The following RPH3A variants were observed in gnomAD, a reference collection of about 807,000 sequenced individuals.
RPH3A encodes the protein rabphilin 3A, also known as rabphilin-3A.
RPH3A carries 48 observed loss-of-function variants against 102.2 expected under a neutral mutation model. The ratio of observed to expected loss-of-function variants is 0.47; its 90% CI spans 0.37 to 0.60. The LOEUF is 0.60. Among genes scored for constraint, RPH3A ranks in the 20% least tolerant of loss-of-function variants. The pLI is 0.00. For synonymous variants in RPH3A, 310 were observed against 324.3 expected (o/e 0.96, Z 0.47); for missense variants, 781 against 910.1 (o/e 0.86, Z 1.83).
intron 1 of RPH3A, among the ~76,000 whole-genome samples, chr12:112,694,338 G>A (rs1357106540): frequency 6.6e-6 from 1 of 152,132 alleles, no homozygotes; most frequent in South Asian, 2.1e-4. Context: ...CACACGAGGG[G>A]CAGTGACAAA....
rs1427873629 is a variant in RPH3A at position 112,865,410 on chromosome 12, C to T, written c.231-4C>T. 3 of 1,613,650 alleles carry T rather than the reference C, an allele frequency of 1.9e-6. No individual in the cohort carries two copies. In the South Asian group the frequency reaches 3.3e-5, roughly 18 times the overall value. On this transcript the variant is annotated splice_polypyrimidine_tract_variant and splice_region_variant and intron_variant, in intron 5 of 21. Transcript: ENST00000389385. ...GTCCTTATTTACCTTGTCTCTGCTT[C>T]CAGACGCCTGGTGGACCGCCTAGAA...
chr12:112,739,107 G>A (rs1938567352), intron 1 of RPH3A, among the ~76,000 whole-genome samples: 1 of 152,134 alleles, frequency 6.6e-6, no homozygotes, highest in South Asian at 2.1e-4. Context: ...AGAATGCCCA[G>A]GATAGCTTTG....
intron 1 of RPH3A, among the ~76,000 whole-genome samples, chr12:112,757,835 G>C (rs1265167545): frequency 3.3e-5 from 5 of 152,150 alleles, no homozygotes; most frequent in South Asian, 2.1e-4. Flanking sequence ...GTGAATCTGG[G>C]CTCTCACCTG....
chr12:112,645,386 A>AT (rs1206368283), intron 1 of RPH3A, among the ~76,000 whole-genome samples: 2 of 151,926 alleles, frequency 1.3e-5, no homozygotes, highest in Non-Finnish European at 1.5e-5. Context: ...CTTTTTCTAG[A>AT]TTTTCTGGGG....
intron 17 of RPH3A, among the ~76,000 whole-genome samples, chr12:112,888,417 C>CA (rs1264153837): frequency 6.6e-6 from 1 of 152,348 alleles, no homozygotes; most frequent in Admixed American, 6.5e-5. Context: ...CTGCCTTACC[C>CA]ACCTGTCAGT....
intron 2 of RPH3A, among the ~76,000 whole-genome samples, chr12:112,800,745 A>C (rs980365710): frequency 6.6e-6 from 1 of 152,104 alleles, no homozygotes; most frequent in Non-Finnish European, 1.5e-5. Flanking sequence ...CAGAGCAATC[A>C]GGGTCCACTC....
chr12:112,600,324 C>T (rs1252271165), intron 1 of RPH3A, among the ~76,000 whole-genome samples: 1 of 152,180 alleles, frequency 6.6e-6, no homozygotes, highest in Admixed American at 6.5e-5. Flanking sequence ...TCCTGCCTGA[C>T]TTAAAAATGG....
chr12:112,629,580 A>C (rs993534396), intron 1 of RPH3A, among the ~76,000 whole-genome samples: 1 of 150,214 alleles, frequency 6.7e-6, no homozygotes, highest in African/African-American at 2.5e-5. Context: ...GGGCTCAAGC[A>C]ATCCTCCTGC....
At chr12:112,688,456 C>T (rs888113390) in intron 1 of RPH3A, among the ~76,000 whole-genome samples, 1 of 152,128 alleles carries the variant, frequency 6.6e-6, no homozygotes, top group African/African-American at 2.4e-5. Flanking sequence ...AGGATTGTGA[C>T]TTTTAATGAT....
chr12:112,813,782 C>T (rs1479877773), intron 2 of RPH3A, among the ~76,000 whole-genome samples: 2 of 152,202 alleles, frequency 1.3e-5, no homozygotes, highest in African/African-American at 4.8e-5. Flanking sequence ...GGAACGGAGG[C>T]TCTGAAAAGT....
chr12:112,880,162 A>AATTATGTATCAGCATTTATTGGACATCT (rs1259203268), intron 14 of RPH3A, among the ~76,000 whole-genome samples: 4 of 152,302 alleles, frequency 2.6e-5, no homozygotes, highest in South Asian at 2.1e-4. Context: ...ATTGAGCACC[A>AATTATGTATCAGCATTTATTGGACATCT]ATTATGTATC....
In RPH3A at chr12:112,636,827, A is replaced by G. The variant is rs184378987; in HGVS notation, c.-140+61508A>G. Among the ~76,000 whole-genome samples the G allele has an allele frequency of 6.3e-3, 954 of 152,180 alleles. 11 individuals carry two copies. Among genetic ancestry groups the G allele is most frequent in the African/African-American group, 0.022 (913 of 41,538 alleles). ...CACACTCTACTCTAGACTTTCTCCC[A>G]TAAAGACCCCCAAAATACCCACTAG... On this transcript the variant is annotated intron_variant, in intron 1 of 21. Transcript: ENST00000543106.
chr12:112,700,480 G>A (rs962467158), intron 1 of RPH3A, among the ~76,000 whole-genome samples: 4 of 152,158 alleles, frequency 2.6e-5, no homozygotes, highest in African/African-American at 7.2e-5. Flanking sequence ...AAGCTTCTCA[G>A]AAATGGGGAA....
At chr12:112,732,638 GCAGTGAGGGTC>G (rs2040642732) in intron 1 of RPH3A, among the ~76,000 whole-genome samples, 1 of 152,228 alleles carries the variant, frequency 6.6e-6, no homozygotes, top group Non-Finnish European at 1.5e-5. Flanking sequence ...ACATTGAGCT[GCAGTGAGGGTC>G]CAGTCATTGC....
chr12:112,670,261 C>A (rs1447120466), intron 1 of RPH3A, among the ~76,000 whole-genome samples: 2 of 152,186 alleles, frequency 1.3e-5, no homozygotes, highest in African/African-American at 4.8e-5. Context: ...CGGCTCACTG[C>A]AACCTCTGTT....
chr12:112,744,646 G>T (rs1208265359), intron 1 of RPH3A, among the ~76,000 whole-genome samples: 1 of 152,090 alleles, frequency 6.6e-6, no homozygotes, highest in Non-Finnish European at 1.5e-5. Flanking sequence ...CTCTTTGCAG[G>T]AGTCCTATAA....
intron 2 of RPH3A, among the ~76,000 whole-genome samples, chr12:112,807,865 T>C (rs1429840066): frequency 6.6e-6 from 1 of 152,178 alleles, no homozygotes; most frequent in Non-Finnish European, 1.5e-5. Context: ...TTTTCCTCCC[T>C]GGCACTTGGC....
At chr12:112,652,218 A>G (rs1232240225) in intron 1 of RPH3A, among the ~76,000 whole-genome samples, 2 of 152,074 alleles carry the variant, frequency 1.3e-5, no homozygotes, top group Non-Finnish European at 2.9e-5. Flanking sequence ...GCTCACACCT[A>G]TAATCCCAGC....
intron 1 of RPH3A, among the ~76,000 whole-genome samples, chr12:112,740,597 C>T (rs2040701873): frequency 6.6e-6 from 1 of 152,184 alleles, no homozygotes; most frequent in Admixed American, 6.5e-5. Context: ...TTCCTGAAAG[C>T]CTCTGTGTCA....
Sources: gnomAD v4.1 joint callset for allele counts (sites outside exome capture counted in the v4.1 genomes callset) on GRCh38, gnomAD v4.1.1 for gene constraint, MANE v1.5 for transcripts, NCBI Gene and HGNC (gene_info 2026-07-23, HGNC 2026-07-21) for gene names.